PRKG1: variants seen among roughly 807,000 people sequenced by gnomAD.
The protein encoded by PRKG1 is cGMP-dependent protein kinase 1.
Under a neutral mutation model 88.1 loss-of-function variants are expected in PRKG1, and 35 were observed. That is an observed-to-expected ratio of 0.40 (90% CI 0.30 to 0.53). The LOEUF (loss-of-function observed/expected upper bound fraction) is 0.53. PRKG1 is among the 20% of genes least tolerant of loss of function. PRKG1 has a pLI of 0.59. For missense variants in PRKG1, 540 were observed against 839.8 expected, an observed-to-expected ratio of 0.64 and a Z score of 4.41; for synonymous variants, 303 against 292.5, an observed-to-expected ratio of 1.04 and a Z score of -0.37.
At chr10:51,795,253 G>T (rs1455199031) in intron 3 of PRKG1, among the ~76,000 whole-genome samples, 4 of 151,944 alleles carry the variant, frequency 2.6e-5, no homozygotes, top group Admixed American at 2.6e-4. Flanking sequence ...ATTAATTACA[G>T]GGCAGCCCAC....
In PRKG1 at chr10:52,215,119, G is replaced by C. The variant is rs77725386; in HGVS notation, c.1077-36451G>C. ...AAATACAAAGTCTATTTTGGGCCAG[G>C]CATGGTGGCTCATGCCTGTAATCCC... On this transcript the variant is annotated intron_variant, in intron 9 of 17. Coordinates refer to ENST00000373980, the MANE Select transcript of PRKG1 (RefSeq NM_006258.4). 3.0e-4 allele frequency among the ~76,000 whole-genome samples: 46 copies of C among 152,096 alleles called. 1 individual carries two copies. In the East Asian group the frequency reaches 7.9e-3, roughly 26 times the overall value.
intron 5 of PRKG1, among the ~76,000 whole-genome samples, chr10:52,045,267 G>T (rs919879387): frequency 6.6e-6 from 1 of 151,984 alleles, no homozygotes; most frequent in Non-Finnish European, 1.5e-5. Flanking sequence ...ATCTAGTGGG[G>T]ATCAGGCTGA....
At chr10:51,187,907 A>G (rs992427958) in intron 2 of PRKG1, among the ~76,000 whole-genome samples, 1 of 152,018 alleles carries the variant, frequency 6.6e-6, no homozygotes, top group Non-Finnish European at 1.5e-5. Flanking sequence ...TCTTGAATAT[A>G]TTTGACCTAT....
intron 2 of PRKG1, among the ~76,000 whole-genome samples, chr10:51,278,802 C>T (rs945265239): frequency 6.6e-5 from 10 of 151,926 alleles, no homozygotes; most frequent in African/African-American, 1.9e-4. Flanking sequence ...TGGTGATATC[C>T]CCTTTATCAT....
intron 5 of PRKG1, among the ~76,000 whole-genome samples, chr10:52,029,321 T>G (rs1452753187): frequency 6.6e-6 from 1 of 152,214 alleles, no homozygotes; most frequent in Non-Finnish European, 1.5e-5. Context: ...ACTTCTTTTT[T>G]GGATTCACAA....
intron 3 of PRKG1, among the ~76,000 whole-genome samples, chr10:51,787,074 G>A (rs765186195): frequency 6.6e-6 from 1 of 152,134 alleles, no homozygotes; most frequent in Non-Finnish European, 1.5e-5. Context: ...GTCCTTGAAG[G>A]ACTTACAGAA....
At position 51,617,264 on chromosome 10, in the gene PRKG1, G is replaced by A. The variant is rs190815638; in HGVS notation, c.592+149428G>A. ...CGACTCACAGGCTTGCTTTAGGTAT[G>A]CCTTCTTCTTCCTTCTATTAGGTGT... On this transcript the variant is annotated intron_variant, in intron 3 of 17. Coordinates refer to ENST00000373980, the MANE Select transcript of PRKG1 (RefSeq NM_006258.4). 1.7e-3 allele frequency among the ~76,000 whole-genome samples: 266 copies of A among 152,250 alleles called. 3 individuals carry two copies. Among genetic ancestry groups the A allele is most frequent in the Admixed American group, 6.4e-3 (98 of 15,286 alleles).
rs190059394 is a variant in PRKG1, at chr10:51,461,403, G to C, written c.479-6320G>C. Among the ~76,000 whole-genome samples the C allele has an allele frequency of 4.5e-3, 684 of 152,034 alleles. 6 individuals carry two copies. Among genetic ancestry groups the C allele is most frequent in the African/African-American group, 0.016 (655 of 41,472 alleles). On this transcript the variant is annotated intron_variant, in intron 2 of 17. Coordinates refer to ENST00000373980, the MANE Select transcript of PRKG1 (RefSeq NM_006258.4). ...CAACATGATGGTCTTAGAAACTATG[G>C]ATACAAAAAGGTTTAGAAAAAAAAC...
intron 5 of PRKG1, among the ~76,000 whole-genome samples, chr10:51,935,729 C>A (rs1179440533): frequency 3.9e-5 from 6 of 152,054 alleles, no homozygotes; most frequent in Non-Finnish European, 8.8e-5. Flanking sequence ...TTTTGTAACC[C>A]CATACTTTTC....
chr10:52,172,502 C>A (rs1378217769), intron 9 of PRKG1, among the ~76,000 whole-genome samples: 1 of 152,198 alleles, frequency 6.6e-6, no homozygotes, highest in East Asian at 1.9e-4. Context: ...ATACATGTTT[C>A]TTTTCAATAG....
intron 5 of PRKG1, among the ~76,000 whole-genome samples, chr10:51,952,393 T>G (rs907452294): frequency 6.6e-6 from 1 of 152,206 alleles, no homozygotes; most frequent in Non-Finnish European, 1.5e-5. Context: ...CATTTAGGGT[T>G]GGAGTCTGAG....
intron 7 of PRKG1, chr10:52,128,204 G>A (rs2132624483): frequency 2.0e-6 from 2 of 985,404 alleles, no homozygotes; most frequent in Non-Finnish European, 2.4e-6. Flanking sequence ...AGCAACTGGA[G>A]TAGTGTCGAG....
intron 7 of PRKG1, among the ~76,000 whole-genome samples, chr10:52,094,304 T>A (rs1847124326): frequency 6.6e-6 from 1 of 152,154 alleles, no homozygotes; most frequent in Admixed American, 6.6e-5. Context: ...TCATTCTTCC[T>A]CATTTGTCAA....
intron 10 of PRKG1, among the ~76,000 whole-genome samples, chr10:52,258,555 T>A (rs1460178218): frequency 1.3e-5 from 2 of 151,956 alleles, no homozygotes; most frequent in East Asian, 3.9e-4. Context: ...GGCCACTTAG[T>A]CATTGAAAGA....
intron 2 of PRKG1, among the ~76,000 whole-genome samples, chr10:51,286,234 G>A (rs1257956662): frequency 6.6e-6 from 1 of 152,172 alleles, no homozygotes; most frequent in Admixed American, 6.6e-5. Context: ...GCCTCCCAAA[G>A]TGCTGGGATT....
rs1003432881 is a variant in PRKG1 at position 52,293,996 on chromosome 10, G to A, written c.*96G>A. On this transcript the variant is annotated 3_prime_UTR_variant, in exon 18 of 18. Transcript: ENST00000373980. ...AGGGAAAGAGAGAAGATTAGTGCTC[G>A]GGGTCACCATGATGCCTTTGATCGA... The A allele has an allele frequency of 2.9e-5, 29 of 1,016,638 alleles. No individual in the cohort carries two copies. Among genetic ancestry groups the A allele is most frequent in the Middle Eastern group, 2.1e-4 (1 of 4,742 alleles). 63.0% of individuals were successfully genotyped at this position (1,016,638 alleles called of 1,614,324 possible). A position where few individuals can be genotyped will look rare whatever the true frequency, so the allele number is the denominator to read the frequency against.
intron 6 of PRKG1, among the ~76,000 whole-genome samples, chr10:52,060,619 A>T (rs941700685): frequency 6.6e-6 from 1 of 151,980 alleles, no homozygotes; most frequent in East Asian, 1.9e-4. Context: ...TCTAATACCT[A>T]CCTTTCTGGA....
chr10:51,363,373 A>G lies in PRKG1; in HGVS notation c.479-104350A>G, dbSNP rs1214243310. Among the ~76,000 whole-genome samples, 18 of 151,918 alleles carry G rather than the reference A, an allele frequency of 1.2e-4. 1 individual carries two copies. Among genetic ancestry groups the G allele is most frequent in the Admixed American group, 1.2e-3 (18 of 15,230 alleles). Reference sequence around the variant, plus strand: ...TTTTCATCTCTCACGGAATCTACCTATGTATATACTTTGATATTGCGAGGA... The same window carrying G: ...TTTTCATCTCTCACGGAATCTACCTGTGTATATACTTTGATATTGCGAGGA... On this transcript the variant is annotated intron_variant, in intron 2 of 17. Transcript: ENST00000373980.
intron 1 of PRKG1, among the ~76,000 whole-genome samples, chr10:51,085,120 A>G (rs2131855511): frequency 6.6e-6 from 1 of 152,362 alleles, no homozygotes; most frequent in East Asian, 1.9e-4. Flanking sequence ...AGTAATTGCT[A>G]CAGATGGAAA....
Sources: allele counts gnomAD v4.1 joint callset (sites outside exome capture counted in the v4.1 genomes callset), GRCh38; gene constraint gnomAD v4.1.1; transcripts MANE v1.5; gene names NCBI Gene and HGNC (gene_info 2026-07-23, HGNC 2026-07-21).